The following SLIT3 variants were observed in gnomAD, a reference collection of about 807,000 sequenced individuals.
SLIT3 encodes the protein slit guidance ligand 3, also known as slit homolog 3 protein.
A neutral mutation model predicts 184.0 loss-of-function variants in SLIT3; 68 were observed. That is an observed-to-expected ratio of 0.37 (90% confidence interval 0.30 to 0.45). SLIT3 has a LOEUF of 0.45. Ranked by LOEUF, SLIT3 falls within the 20% of genes least tolerant of loss-of-function variation. The pLI is 1.00. For missense variants in SLIT3, 1,707 were observed against 2,026.0 expected, an observed-to-expected ratio of 0.84 and a Z score of 3.02; for synonymous variants, 831 against 828.6, an observed-to-expected ratio of 1.00 and a Z score of -0.05.
chr5:169,152,596 T>C lies in SLIT3; in HGVS notation c.413+40883A>G, dbSNP rs148351679. Among the ~76,000 whole-genome samples the C allele has an allele frequency of 1.8e-3, 268 of 152,240 alleles. 2 individuals carry two copies. The highest frequency in any genetic ancestry group is 5.4e-3 in the Admixed American group (82 of 15,282). Reference sequence around the variant, plus strand: ...CTTTTTTGGCTTACAGGTGAGTATATGGGCTGAGAGTCTACTCTAGAGCTG... The same window carrying C: ...CTTTTTTGGCTTACAGGTGAGTATACGGGCTGAGAGTCTACTCTAGAGCTG... On this transcript the variant is annotated intron_variant, in intron 4 of 35. Coordinates refer to ENST00000519560, the MANE Select transcript of SLIT3 (RefSeq NM_003062.4).
chr5:168,745,525 C>A (rs1763772946), intron 20 of SLIT3, among the ~76,000 whole-genome samples: 3 of 152,024 alleles, frequency 2.0e-5, no homozygotes, highest in Non-Finnish European at 2.9e-5. Context: ...CATTCTCATA[C>A]CTCAGCCTCC....
intron 26 of SLIT3, among the ~76,000 whole-genome samples, chr5:168,705,964 AG>A (rs1356904700): frequency 6.6e-5 from 10 of 152,250 alleles, no homozygotes; most frequent in Non-Finnish European, 1.5e-4. Context: ...GCTCCAGATG[AG>A]TGCCTGGCCT....
intron 5 of SLIT3, among the ~76,000 whole-genome samples, chr5:168,874,882 G>A (rs575491660): frequency 2.0e-5 from 3 of 152,306 alleles, no homozygotes; most frequent in South Asian, 2.1e-4. Flanking sequence ...GCCCTGGGGC[G>A]TGCTTATCCT....
chr5:168,745,420 T>TA (rs1425258116), intron 20 of SLIT3, among the ~76,000 whole-genome samples: 1 of 152,128 alleles, frequency 6.6e-6, no homozygotes, highest in Non-Finnish European at 1.5e-5. Flanking sequence ...CTCCAATTTT[T>TA]TTTTTTTTTG....
At chr5:169,212,064 T>C (rs1265154252) in intron 3 of SLIT3, among the ~76,000 whole-genome samples, 2 of 152,232 alleles carry the variant, frequency 1.3e-5, no homozygotes, top group African/African-American at 2.4e-5. Flanking sequence ...CTATTGTGAA[T>C]AGTGCTGCAA....
rs568864317 is a variant in SLIT3, at chr5:168,906,846, G to GTTGA, written c.414-23511_414-23510insTCAA. Among the ~76,000 whole-genome samples the GTTGA allele has an allele frequency of 1.8e-3, 277 of 152,114 alleles. 1 individual carries two copies. The highest frequency in any genetic ancestry group is 6.2e-3 in the African/African-American group (258 of 41,518). ...GGAGCAAGGCAGGGATTGATTTTTTGTTTATTTATTTATTTAATTAATTTA... is the reference window on the plus strand; with the variant it reads ...GGAGCAAGGCAGGGATTGATTTTTTGTTGATTTATTTATTTATTTAATTAATTTA... On this transcript the variant is annotated intron_variant, in intron 4 of 35. Transcript: ENST00000519560.
intron 4 of SLIT3, among the ~76,000 whole-genome samples, chr5:168,952,075 T>C (rs907378404): frequency 1.3e-5 from 2 of 151,776 alleles, no homozygotes; most frequent in African/African-American, 4.8e-5. Flanking sequence ...CTACAAAGAG[T>C]TAGGAAATAG....
At chr5:168,921,333 C>T (rs554757497) in intron 4 of SLIT3, among the ~76,000 whole-genome samples, 8 of 152,114 alleles carry the variant, frequency 5.3e-5, no homozygotes, top group Admixed American at 4.6e-4. Context: ...ATTCACCTCA[C>T]GTACAAAATG....
At chr5:168,776,040 A>G (rs1755735085) in intron 12 of SLIT3, among the ~76,000 whole-genome samples, 1 of 152,218 alleles carries the variant, frequency 6.6e-6, no homozygotes, top group Non-Finnish European at 1.5e-5. Context: ...ACCAGCAGAA[A>G]TGTTGCATTT....
intron 5 of SLIT3, among the ~76,000 whole-genome samples, chr5:168,874,952 C>A (rs560962248): frequency 6.6e-6 from 1 of 152,090 alleles, no homozygotes; most frequent in Non-Finnish European, 1.5e-5. Flanking sequence ...AGAGCAGGAC[C>A]GTGTCTTAGT....
intron 4 of SLIT3, among the ~76,000 whole-genome samples, chr5:169,174,284 T>TA (rs1247198307): frequency 6.6e-6 from 1 of 152,120 alleles, no homozygotes; most frequent in South Asian, 2.1e-4. Context: ...CTGAGAGTCC[T>TA]AAAAAAACCA....
At chr5:168,897,915 A>T (rs945479258) in intron 4 of SLIT3, among the ~76,000 whole-genome samples, 1 of 152,082 alleles carries the variant, frequency 6.6e-6, no homozygotes, top group Non-Finnish European at 1.5e-5. Flanking sequence ...CTTTGCATCC[A>T]GCCAGAGGGG....
intron 4 of SLIT3, among the ~76,000 whole-genome samples, chr5:169,014,132 TTA>T (rs947566597): frequency 4.7e-5 from 5 of 105,954 alleles, no homozygotes; most frequent in African/African-American, 2.3e-4. Flanking sequence ...GGCAGGTTGG[TTA>T]TGTTTTCACT....
chr5:168,836,871 G>A (rs1371930748), intron 6 of SLIT3, among the ~76,000 whole-genome samples: 1 of 152,150 alleles, frequency 6.6e-6, no homozygotes, highest in East Asian at 1.9e-4. Flanking sequence ...TGGTTAACAG[G>A]AAAGTGAAAT....
intron 4 of SLIT3, among the ~76,000 whole-genome samples, chr5:168,907,865 T>C (rs1003080905): frequency 6.8e-6 from 1 of 147,358 alleles, no homozygotes; most frequent in Non-Finnish European, 1.5e-5. Flanking sequence ...TATCTATATC[T>C]ATAGATACAT....
At chr5:168,725,736 G>T (rs1205725935) in intron 20 of SLIT3, among the ~76,000 whole-genome samples, 1 of 152,190 alleles carries the variant, frequency 6.6e-6, no homozygotes, top group African/African-American at 2.4e-5. Flanking sequence ...GGGTGATGGT[G>T]GTGACTGCTG....
chr5:168,811,582 C>T lies in SLIT3; in HGVS notation c.794-4995G>A, dbSNP rs528943518. 1.7e-3 allele frequency among the ~76,000 whole-genome samples: 253 copies of T among 152,280 alleles called. 1 individual carries two copies. Among genetic ancestry groups the T allele is most frequent in the Non-Finnish European group, 7.9e-4 (54 of 68,016 alleles). ...GGGACTGAGACACAGGTTGTGTAAG[C>T]TACACTAGAGATGATCAAACACTGT... is the stretch of plus-strand genomic sequence containing the variant. On this transcript the variant is annotated intron_variant, in intron 8 of 35. Coordinates refer to ENST00000519560, the MANE Select transcript of SLIT3 (RefSeq NM_003062.4).
At chr5:168,814,945 T>G (rs376997670) in intron 8 of SLIT3, among the ~76,000 whole-genome samples, 40 of 152,162 alleles carry the variant, frequency 2.6e-4, no homozygotes, top group Non-Finnish European at 4.7e-4. Context: ...TTCTAGGTGG[T>G]AACCCATGGG....
intron 1 of SLIT3, among the ~76,000 whole-genome samples, chr5:169,275,755 C>T (rs752805776): frequency 2.0e-5 from 3 of 152,130 alleles, no homozygotes; most frequent in Non-Finnish European, 4.4e-5. Context: ...CAATTACCTC[C>T]ACCTGGGTCC....
Sources: allele counts gnomAD v4.1 joint callset (sites outside exome capture counted in the v4.1 genomes callset), GRCh38; gene constraint gnomAD v4.1.1; transcripts MANE v1.5; gene names NCBI Gene and HGNC (gene_info 2026-07-23, HGNC 2026-07-21).